Variants in SDK2 observed in about 807,000 individuals in gnomAD.
The protein encoded by SDK2 is protein sidekick-2.
A neutral mutation model predicts 253.9 loss-of-function variants in SDK2; 105 were observed. That is an observed-to-expected ratio of 0.41 (90% CI 0.35 to 0.49). The LOEUF (loss-of-function observed/expected upper bound fraction) is 0.49. Ranked by LOEUF, SDK2 falls within the 20% of genes least tolerant of loss-of-function variation. The pLI is 0.06. For synonymous variants in SDK2, 1,249 were observed against 1,234.9 expected (o/e 1.01, Z -0.24); for missense variants, 2,608 against 3,003.0 (o/e 0.87, Z 3.07).
intron 16 of SDK2, among the ~76,000 whole-genome samples, chr17:73,416,265 C>T (rs981790947): frequency 2.8e-5 from 4 of 144,114 alleles, no homozygotes; most frequent in East Asian, 2.1e-4. Flanking sequence ...GGCGCAATCT[C>T]GGCTCACTGC....
intron 36 of SDK2, among the ~76,000 whole-genome samples, chr17:73,378,896 C>T (rs964594284): frequency 3.3e-5 from 5 of 152,044 alleles, no homozygotes; most frequent in African/African-American, 7.2e-5. Flanking sequence ...AGAGATGGTA[C>T]GAGCCTAGGG....
chr17:73,358,621 G>C (rs2062613480), intron 39 of SDK2, among the ~76,000 whole-genome samples: 1 of 152,140 alleles, frequency 6.6e-6, no homozygotes, highest in Admixed American at 6.5e-5. Context: ...GTGGGGAATA[G>C]AGGTGGGTGC....
Position 73,440,833 on chromosome 17 carries a change from A to G in SDK2, c.704T>C (p.Leu235Ser). Residue 235 changes from leucine (L) to serine (S), a missense_variant, in exon 6 of 45, where the codon TTG becomes TCG. Leu to Ser is a moderately radical substitution (Grantham distance 145). Coordinates refer to ENST00000392650, the MANE Select transcript of SDK2 (RefSeq NM_001144952.2). ...CTACCTGGCATTGGCCACACACTCC[A>G]AGGTAACCTCTGAGGTGCCGGCCAC... ...SVVAGTSEVT[L>S]ECVANARPLI... is the part of the protein sequence containing the mutation. 6.4e-7 allele frequency: 1 copy of G among 1,551,362 alleles called. No homozygotes were observed. Among genetic ancestry groups the G allele is most frequent in the Non-Finnish European group, 8.7e-7 (1 of 1,146,736 alleles).
intron 1 of SDK2, among the ~76,000 whole-genome samples, chr17:73,549,165 A>G (rs1485346307): frequency 6.6e-6 from 1 of 152,236 alleles, no homozygotes; most frequent in Non-Finnish European, 1.5e-5. Context: ...ATTTTCATTC[A>G]TGAGAAAGCT....
In SDK2 at chr17:73,402,092, G is replaced by T; in HGVS notation, c.2534C>A (p.Ala845Asp). Residue 845 changes from alanine to aspartate, a missense_variant, in exon 19 of 45, where the codon GCC becomes GAC. Around this residue, in one of 2 missense-constraint regions of SDK2, gnomAD observed 1,505 missense variants for 1,859.1 expected, o/e 0.81. Transcript: ENST00000392650. ...EQEEEVTMVT[A>D]RPNFQDSIHV... is the part of the protein sequence containing the mutation. ...GATGCTGTCTTGAAAGTTAGGCCGG[G>T]CGGTCACCATGGTAACCTCCTCTTC... The T allele has an allele frequency of 6.2e-7, 1 of 1,614,076 alleles. No homozygotes were observed. Among genetic ancestry groups the T allele is most frequent in the Non-Finnish European group, 8.5e-7 (1 of 1,179,902 alleles).
At chr17:73,370,539 G>A (rs932709041) in intron 36 of SDK2, among the ~76,000 whole-genome samples, 6 of 150,134 alleles carry the variant, frequency 4.0e-5, no homozygotes, top group African/African-American at 1.0e-4. Flanking sequence ...CACTGTGCCC[G>A]GCCCTCTCTC....
chr17:73,484,534 A>G (rs1351573273), intron 2 of SDK2, among the ~76,000 whole-genome samples: 1 of 152,230 alleles, frequency 6.6e-6, no homozygotes, highest in African/African-American at 2.4e-5. Flanking sequence ...GGGAAGCAGG[A>G]CACTGGGGCA....
intron 40 of SDK2, among the ~76,000 whole-genome samples, chr17:73,356,126 C>T (rs760830626): frequency 8.5e-5 from 13 of 152,230 alleles, no homozygotes; most frequent in Non-Finnish European, 1.6e-4. Context: ...CTGTCAGCAG[C>T]AGAGCTGGTG....
chr17:73,542,036 C>T (rs563604414), intron 1 of SDK2, among the ~76,000 whole-genome samples: 18 of 152,294 alleles, frequency 1.2e-4, no homozygotes, highest in African/African-American at 3.8e-4. Context: ...CTGTGAAGTG[C>T]GTGTTGCCAA....
At chr17:73,548,252 C>T (rs925062063) in intron 1 of SDK2, among the ~76,000 whole-genome samples, 1 of 152,234 alleles carries the variant, frequency 6.6e-6, no homozygotes, top group African/African-American at 2.4e-5. Flanking sequence ...GGCATTCAAT[C>T]TTGGGACACA....
intron 1 of SDK2, among the ~76,000 whole-genome samples, chr17:73,619,203 G>C (rs895420213): frequency 1.3e-5 from 2 of 151,354 alleles, no homozygotes; most frequent in Non-Finnish European, 2.9e-5. Context: ...AGGAGGCCCT[G>C]GGGAGTGAAC....
Position 73,467,074 on chromosome 17 carries a change from A to T in SDK2, c.331+5038T>A, listed in dbSNP as rs1373869603. On this transcript the variant is annotated intron_variant, in intron 3 of 44. Coordinates refer to ENST00000392650, the MANE Select transcript of SDK2 (RefSeq NM_001144952.2). The surrounding 1 kb of genome is among the most constrained non-coding windows in gnomAD (Gnocchi z 4.1). ...TCTACTCGTCCTGCTGAGAGCAAGG[A>T]AAACGATGTGATTGGTAGAGTCTAC... 1.3e-5 allele frequency among the ~76,000 whole-genome samples: 2 copies of T among 152,086 alleles called. No homozygotes were observed. The highest frequency in any genetic ancestry group is 1.5e-5 in the Non-Finnish European group (1 of 68,010).
intron 1 of SDK2, among the ~76,000 whole-genome samples, chr17:73,610,288 G>A (rs1002998453): frequency 6.6e-6 from 1 of 152,210 alleles, no homozygotes; most frequent in African/African-American, 2.4e-5. Flanking sequence ...ATATCCTCAG[G>A]AGAGATGCGG....
chr17:73,580,182 G>A (rs535299066), intron 1 of SDK2, among the ~76,000 whole-genome samples: 4 of 152,150 alleles, frequency 2.6e-5, no homozygotes, highest in South Asian at 2.1e-4. Context: ...GAAAACAGAC[G>A]CCTTCCCTGC....
At chr17:73,360,183 G>A (rs1283696057) in intron 39 of SDK2, among the ~76,000 whole-genome samples, 2 of 152,206 alleles carry the variant, frequency 1.3e-5, no homozygotes, top group Non-Finnish European at 2.9e-5. Context: ...AGCGCGGGGC[G>A]GGGCTGGAGG....
intron 1 of SDK2, among the ~76,000 whole-genome samples, chr17:73,522,174 A>T (rs1001099289): frequency 6.6e-6 from 1 of 152,116 alleles, no homozygotes; most frequent in Non-Finnish European, 1.5e-5. Context: ...AGAGTGTGCA[A>T]CTCTGAGCGC....
intron 1 of SDK2, among the ~76,000 whole-genome samples, chr17:73,627,257 A>G (rs1450015625): frequency 6.6e-6 from 1 of 152,156 alleles, no homozygotes; most frequent in East Asian, 1.9e-4. Context: ...TTTCATTTTC[A>G]TATCTCTGGA....
chr17:73,553,461 G>GAGC (rs1177497384), intron 1 of SDK2, among the ~76,000 whole-genome samples: 1 of 152,128 alleles, frequency 6.6e-6, no homozygotes, highest in Non-Finnish European at 1.5e-5. Flanking sequence ...CTGGGCCAGT[G>GAGC]AGCAGCCCAG....
chr17:73,621,548 T>A (rs1915018929), intron 1 of SDK2, among the ~76,000 whole-genome samples: 1 of 152,100 alleles, frequency 6.6e-6, no homozygotes, highest in Non-Finnish European at 1.5e-5. Flanking sequence ...GCTCATTTAG[T>A]AAATAATAGT....
Sources: allele counts gnomAD v4.1 joint callset (sites outside exome capture counted in the v4.1 genomes callset), GRCh38; gene constraint gnomAD v4.1.1; regional missense constraint gnomAD v4.1.1; non-coding constraint Gnocchi (gnomAD v3.1); transcripts MANE v1.5; gene names NCBI Gene and HGNC (gene_info 2026-07-23, HGNC 2026-07-21).